Variants in LPAR1 observed in about 807,000 individuals in gnomAD.
LPAR1 encodes the protein LPA receptor 1.
A neutral mutation model predicts 23.8 loss-of-function variants in LPAR1; 5 were observed. The ratio of observed to expected loss-of-function variants is 0.21; its 90% CI spans 0.11 to 0.44. The LOEUF (loss-of-function observed/expected upper bound fraction) is 0.44. LPAR1 is among the 20% of genes least tolerant of loss of function. The pLI is 0.99. For missense variants in LPAR1, 311 were observed against 482.8 expected (o/e 0.64, Z 3.33); for synonymous variants, 160 against 164.7 (o/e 0.97, Z 0.22).
intron 2 of LPAR1, among the ~76,000 whole-genome samples, chr9:110,988,620 T>C (rs2096836936): frequency 1.4e-5 from 2 of 146,890 alleles, no homozygotes; most frequent in Non-Finnish European, 3.0e-5. Context: ...AGGATGGCTA[T>C]AATTTAAAAG....
At chr9:110,901,284 G>A (rs1269355958) in intron 5 of LPAR1, among the ~76,000 whole-genome samples, 1 of 152,126 alleles carries the variant, frequency 6.6e-6, no homozygotes, top group Non-Finnish European at 1.5e-5. Flanking sequence ...TTCCCACTAC[G>A]ACAAGAGTAG....
At chr9:110,986,618 T>G (rs1423476320) in intron 2 of LPAR1, among the ~76,000 whole-genome samples, 2 of 148,970 alleles carry the variant, frequency 1.3e-5, no homozygotes, top group Non-Finnish European at 3.0e-5. Context: ...TGGCCTAAAA[T>G]AGAAGGAATG....
At chr9:111,024,757 G>T in intron 2 of LPAR1, among the ~76,000 whole-genome samples, 1 of 151,194 alleles carries the variant, frequency 6.6e-6, no homozygotes. Context: ...GTGCCCATAT[G>T]TTCTCATTGT....
chr9:111,027,753 C>G (rs990396170), intron 2 of LPAR1, among the ~76,000 whole-genome samples: 1 of 151,324 alleles, frequency 6.6e-6, no homozygotes, highest in African/African-American at 2.4e-5. Context: ...AAAGAACATC[C>G]TAGGCAGAAG....
intron 5 of LPAR1, among the ~76,000 whole-genome samples, chr9:110,877,835 G>A (rs1236936626): frequency 6.6e-6 from 1 of 152,092 alleles, no homozygotes; most frequent in Non-Finnish European, 1.5e-5. Context: ...GCAACAGAAG[G>A]GAATATCTTT....
At chr9:110,997,736 C>T (rs562115113) in intron 2 of LPAR1, among the ~76,000 whole-genome samples, 4 of 152,252 alleles carry the variant, frequency 2.6e-5, no homozygotes, top group African/African-American at 9.6e-5. Context: ...TGGACTAGAA[C>T]AAACGTATTA....
intron 5 of LPAR1, among the ~76,000 whole-genome samples, chr9:110,913,997 G>A (rs931908880): frequency 4.6e-5 from 7 of 152,138 alleles, no homozygotes; most frequent in African/African-American, 1.7e-4. Flanking sequence ...TTTGGCAGGC[G>A]ATTTGGGACA....
At chr9:110,957,570 A>G (rs565707054) in intron 4 of LPAR1, among the ~76,000 whole-genome samples, 1 of 152,330 alleles carries the variant, frequency 6.6e-6, no homozygotes, top group African/African-American at 2.4e-5. Context: ...CAAACTAGGC[A>G]TAAAAGGAAC....
At chr9:110,955,400 T>C (rs2095704255) in intron 4 of LPAR1, among the ~76,000 whole-genome samples, 3 of 152,050 alleles carry the variant, frequency 2.0e-5, no homozygotes, top group Admixed American at 6.5e-5. Context: ...TCTAAACATA[T>C]ACACCAAACA....
At chr9:110,909,134 C>T (rs1012825444) in intron 5 of LPAR1, among the ~76,000 whole-genome samples, 6 of 152,104 alleles carry the variant, frequency 3.9e-5, no homozygotes, top group Admixed American at 3.3e-4. Flanking sequence ...TTTTTCCCTT[C>T]TATATAAACC....
rs1317238729 is a variant in LPAR1 at position 110,879,097 on chromosome 9, C to T, written c.794-3375G>A. 5.9e-5 allele frequency among the ~76,000 whole-genome samples: 9 copies of T among 151,970 alleles called. No individual in the cohort carries two copies. In the East Asian group the frequency reaches 1.2e-3, roughly 20 times the overall value. On this transcript the variant is annotated intron_variant, in intron 5 of 5. Transcript: ENST00000683809. ...AATCCCACAAACCCAGGCACAACAC[C>T]GATGAATGGTATGCAACAGTATGAA...
intron 2 of LPAR1, among the ~76,000 whole-genome samples, chr9:111,020,561 T>C (rs549169397): frequency 1.1e-4 from 17 of 152,344 alleles, no homozygotes; most frequent in African/African-American, 2.4e-4. Context: ...ATGCCTTTTA[T>C]GGAATTCTAG....
intron 2 of LPAR1, among the ~76,000 whole-genome samples, chr9:111,017,011 C>T (rs190793170): frequency 5.3e-5 from 8 of 152,212 alleles, no homozygotes; most frequent in Non-Finnish European, 8.8e-5. Context: ...AATCCTCTCT[C>T]CTCCCAGCAC....
At chr9:110,994,511 G>A (rs2096957556) in intron 2 of LPAR1, among the ~76,000 whole-genome samples, 1 of 152,138 alleles carries the variant, frequency 6.6e-6, no homozygotes, top group Non-Finnish European at 1.5e-5. Context: ...GCTTGTTTGT[G>A]AGAAAAACAG....
At chr9:110,975,326 G>C (rs1201423338) in intron 2 of LPAR1, among the ~76,000 whole-genome samples, 1 of 152,206 alleles carries the variant, frequency 6.6e-6, no homozygotes, top group East Asian at 1.9e-4. Flanking sequence ...CAACAGCAGA[G>C]GGAAAGATGC....
chr9:110,882,480 T>C (rs549216262), intron 5 of LPAR1, among the ~76,000 whole-genome samples: 1 of 152,200 alleles, frequency 6.6e-6, no homozygotes, highest in Non-Finnish European at 1.5e-5. Context: ...ATGGATGCTA[T>C]AGGACATTCA....
intron 2 of LPAR1, among the ~76,000 whole-genome samples, chr9:110,977,757 A>G (rs1322472426): frequency 1.3e-5 from 2 of 149,454 alleles, no homozygotes; most frequent in Non-Finnish European, 3.0e-5. Flanking sequence ...GTATCCCGGA[A>G]CTTAAAGTAA....
At position 110,874,041 on chromosome 9, in the gene LPAR1, A is replaced by ATTT; in HGVS notation, c.*1379_*1380insAAA. On this transcript the variant is annotated 3_prime_UTR_variant, in exon 6 of 6. Transcript: ENST00000683809. Reference sequence around the variant, plus strand: ...TGACTGGCTTTTCCTCACAACTGCCACCCATGCAGTACAAAAGCAGGAAAT... The same window carrying ATTT: ...TGACTGGCTTTTCCTCACAACTGCCATTTCCCATGCAGTACAAAAGCAGGAAAT... 1 of 152,628 alleles carries ATTT rather than the reference A, an allele frequency of 6.6e-6. No homozygotes were observed. The highest frequency in any genetic ancestry group is 6.5e-5 in the Admixed American group (1 of 15,274). The allele number at this position is 152,628 out of a possible 1,614,324, so 9.5% of individuals were successfully genotyped here. A position where few individuals can be genotyped will look rare whatever the true frequency, so the allele number is the denominator to read the frequency against.
chr9:110,937,261 G>A (rs1335348802), intron 5 of LPAR1, among the ~76,000 whole-genome samples: 1 of 152,214 alleles, frequency 6.6e-6, no homozygotes, highest in Non-Finnish European at 1.5e-5. Context: ...AGATCACAGT[G>A]TTTCAATTTA....
Sources: gnomAD v4.1 joint callset for allele counts (sites outside exome capture counted in the v4.1 genomes callset) on GRCh38, gnomAD v4.1.1 for gene constraint, MANE v1.5 for transcripts, NCBI Gene and HGNC (gene_info 2026-07-23, HGNC 2026-07-21) for gene names.